Variants in ITGA2B observed in about 807,000 individuals in gnomAD.
The protein encoded by ITGA2B is integrin subunit alpha 2b.
Under a neutral mutation model 142.0 loss-of-function variants are expected in ITGA2B, and 91 were observed. That is an observed-to-expected ratio of 0.64 (90% CI 0.54 to 0.76). The LOEUF (loss-of-function observed/expected upper bound fraction) is 0.76. ITGA2B is among the 30% of genes least tolerant of loss of function. The pLI is 0.00. For missense variants in ITGA2B, 1,231 were observed against 1,350.8 expected, an observed-to-expected ratio of 0.91 and a Z score of 1.39; for synonymous variants, 536 against 567.2, an observed-to-expected ratio of 0.94 and a Z score of 0.78.
intron 29 of ITGA2B, among the ~76,000 whole-genome samples, chr17:44,373,758 C>T (rs978515307): frequency 6.6e-6 from 1 of 152,196 alleles, no homozygotes; most frequent in Non-Finnish European, 1.5e-5. Context: ...TCTATATCCT[C>T]TGAATCTTTT....
At position 44,385,144 on chromosome 17, in the gene ITGA2B, G is replaced by A. The variant is rs758353288; in HGVS notation, c.670+20C>T. 45 of 1,614,006 alleles carry A rather than the reference G, an allele frequency of 2.8e-5. No individual in the cohort carries two copies. The highest frequency in any genetic ancestry group is 3.7e-5 in the Non-Finnish European group (44 of 1,180,034). On this transcript the variant is annotated intron_variant, in intron 6 of 29. Coordinates refer to ENST00000262407, the MANE Select transcript of ITGA2B (RefSeq NM_000419.5). ...CCTTGGGCCGCGAGAAGGGAGGGAG[G>A]TGTACGGATGGGCACGTACCTAAGA... is the stretch of plus-strand genomic sequence containing the variant.
At position 44,372,273 on chromosome 17, in the gene ITGA2B, T is replaced by A; in HGVS notation, c.*91A>T. 1.5e-6 allele frequency: 2 copies of A among 1,364,674 alleles called. No homozygotes were observed. Among genetic ancestry groups the A allele is most frequent in the Non-Finnish European group, 2.1e-6 (2 of 956,524 alleles). 84.5% of individuals were successfully genotyped at this position (1,364,674 alleles called of 1,614,324 possible). A position where few individuals can be genotyped will look rare whatever the true frequency, so the allele number is the denominator to read the frequency against. ...CACCAAGAGGACCCAATGGAACAGC[T>A]CCAACCCAAAGCTTGGAGGCAACTT... On this transcript the variant is annotated 3_prime_UTR_variant, in exon 30 of 30. Coordinates refer to ENST00000262407, the MANE Select transcript of ITGA2B (RefSeq NM_000419.5).
Position 44,372,232 on chromosome 17 carries a change from G to C in ITGA2B, c.*132C>G. The C allele has an allele frequency of 1.2e-6, 1 of 869,130 alleles. No homozygotes were observed. The highest frequency in any genetic ancestry group is 1.9e-6 in the Non-Finnish European group (1 of 527,794). 53.8% of individuals were successfully genotyped at this position (869,130 alleles called of 1,614,324 possible). ...GCAGGAGGGGGGGTAGCCCAGCTCT[G>C]TTGGGAGGGAAACGACACCAAGAGG... is the stretch of plus-strand genomic sequence containing the variant. On this transcript the variant is annotated 3_prime_UTR_variant, in exon 30 of 30. Coordinates refer to ENST00000262407, the MANE Select transcript of ITGA2B (RefSeq NM_000419.5).
At chr17:44,376,263 T>C in intron 23 of ITGA2B, 45 bp downstream of exon 23, 1 of 1,613,764 alleles carries the variant, frequency 6.2e-7, no homozygotes, top group Non-Finnish European at 8.5e-7. Flanking sequence ...CCCTGGAGTT[T>C]AGAGCCCTGA....
In ITGA2B at chr17:44,385,442, G is replaced by A. The variant is rs537383227; in HGVS notation, c.575-107C>T. 2.8e-5 allele frequency: 43 copies of A among 1,526,648 alleles called. 1 individual carries two copies. The highest frequency in any genetic ancestry group is 3.8e-5 in the Non-Finnish European group (43 of 1,139,500). 94.6% of individuals were successfully genotyped at this position (1,526,648 alleles called of 1,614,324 possible). A position where few individuals can be genotyped will look rare whatever the true frequency, so the allele number is the denominator to read the frequency against. On this transcript the variant is annotated intron_variant, in intron 4 of 29. Transcript: ENST00000262407. ...CGGGGCCTTGAGTCGGCGGGGCCCT[G>A]GGGCGAGGCCAGATCCAAAGCAAGG...
rs966519408 is a variant in ITGA2B at position 44,375,478 on chromosome 17, C to T, written c.2727+113G>A. ...TGTTCACTTGAAGTGCTCCCAGGGA[C>T]CAAGCGTGGCCCACAGAGGCCCACA... On this transcript the variant is annotated intron_variant, in intron 26 of 29. Transcript: ENST00000262407. 1.4e-5 allele frequency: 18 copies of T among 1,322,972 alleles called. No homozygotes were observed. The Admixed American group carries it at 2.7e-4, about 20-fold the overall frequency. 82.0% of individuals were successfully genotyped at this position (1,322,972 alleles called of 1,614,324 possible). A position where few individuals can be genotyped will look rare whatever the true frequency, so the allele number is the denominator to read the frequency against.
At chr17:44,378,835 G>A (rs777967648) in intron 18 of ITGA2B, 125 bp from the exon 19 acceptor site, 1 of 801,054 alleles carries the variant, frequency 1.2e-6, no homozygotes, top group Non-Finnish European at 2.1e-6. Flanking sequence ...AAGATCTGAG[G>A]ACGAAAAGGA....
At position 44,380,414 on chromosome 17, in the gene ITGA2B, G is replaced by C; in HGVS notation, c.1516C>G (p.Leu506Val). 6.2e-7 allele frequency: 1 copy of C among 1,614,148 alleles called. No homozygotes were observed. The highest frequency in any genetic ancestry group is 8.5e-7 in the Non-Finnish European group (1 of 1,180,020). The change falls in exon 15 of 30, where the codon CTA becomes GTA. Residue 506 changes from leucine (L) to valine (V), a missense_variant. Leu to Val is a conservative substitution (Grantham distance 32). This residue lies in a region of ITGA2B where 908 missense variants were observed against 1,021.1 expected (regional missense o/e 0.89). Transcript: ENST00000262407. Reference protein sequence around the residue: ...SLNPAVKSCVLPQTKTPVSCF... With the variant: ...SLNPAVKSCVVPQTKTPVSCF... ...CTCACGGGTGTCTTGGTCTGAGGTA[G>C]GACACAGCTCTTCACAGCAGGATTC...
Position 44,381,029 on chromosome 17 carries a change from T to C in ITGA2B, c.1243A>G (p.Ser415Gly). ...AACACCAGCACTTGGCCCCGGCCAC[T>C]GGGACCCCCGTAGGGGGCAGCCACT... is the stretch of plus-strand genomic sequence containing the variant. ...IAVAAPYGGP[S>G]GRGQVLVFLG... The change falls in exon 13 of 30, where the codon AGT (serine) becomes GGT (glycine). Residue 415 changes from serine to glycine, a missense_variant. Coordinates refer to ENST00000262407, the MANE Select transcript of ITGA2B (RefSeq NM_000419.5). 1 of 1,613,390 alleles carries C rather than the reference T, an allele frequency of 6.2e-7. No homozygotes were observed. The highest frequency in any genetic ancestry group is 8.5e-7 in the Non-Finnish European group (1 of 1,179,616).
Position 44,383,900 on chromosome 17 carries a change from C to T in ITGA2B, c.992G>A (p.Gly331Glu), listed in dbSNP as rs2048619364. 4 of 1,613,812 alleles carry T rather than the reference C, an allele frequency of 2.5e-6. No individual in the cohort carries two copies. The highest frequency in any genetic ancestry group is 3.4e-6 in the Non-Finnish European group (4 of 1,179,988). The change falls in exon 11 of 30, where the codon GGG becomes GAG. Residue 331 changes from glycine (G) to glutamate (E), a missense_variant. Transcript: ENST00000262407. Reference protein sequence around the residue: ...GHSVAVTDVNGDGRHDLLVGA... With the variant: ...GHSVAVTDVNEDGRHDLLVGA... ...GGGGCATGTCCCTCCTCACCCATCC[C>T]CGTTGACGTCAGTGACAGCCACTGA...
rs776716953 is a variant in ITGA2B at position 44,383,908 on chromosome 17, G to A, written c.984C>T (p.Asp328=). The A allele has an allele frequency of 9.9e-6, 16 of 1,613,848 alleles. No homozygotes were observed. Among genetic ancestry groups the A allele is most frequent in the African/African-American group, 5.3e-5 (4 of 74,918 alleles). Residue 328 remains aspartate (D), a synonymous_variant, in exon 11 of 30, where the codon GAC becomes GAT. Coordinates refer to ENST00000262407, the MANE Select transcript of ITGA2B (RefSeq NM_000419.5). ...TCCCTCCTCACCCATCCCCGTTGAC[G>A]TCAGTGACAGCCACTGAATGCCCAA... ...SYFGHSVAVT[D]VNGDGRHDLL...
chr17:44,376,481 A>G (rs1005176662), intron 22 of ITGA2B, 93 bp from the exon 23 acceptor site: 1 of 1,123,778 alleles, frequency 8.9e-7, no homozygotes. Context: ...GTTCAGAGAG[A>G]GCTAATTATA....
chr17:44,384,493 C>T (rs1479300263), intron 8 of ITGA2B, 45 bp downstream of exon 8: 13 of 1,613,158 alleles, frequency 8.1e-6, no homozygotes, highest in Middle Eastern at 1.6e-4. Context: ...AGGCGCTCCT[C>T]CCCGGGCTGG....
intron 17 of ITGA2B, 84 bp from the exon 18 acceptor site, chr17:44,379,898 C>T: frequency 6.2e-7 from 1 of 1,611,806 alleles, no homozygotes; most frequent in Non-Finnish European, 8.5e-7. Context: ...GTCCTGACCA[C>T]CCCCGGACTC....
chr17:44,383,408 G>T, intron 12 of ITGA2B, 85 bp downstream of exon 12: 1 of 1,302,604 alleles, frequency 7.7e-7, no homozygotes, highest in Non-Finnish European at 1.1e-6. Flanking sequence ...ACCCATCCTG[G>T]TTCTGGCTGC....
At chr17:44,386,403 G>GT (rs530863365) in intron 1 of ITGA2B, among the ~76,000 whole-genome samples, 31 of 152,326 alleles carry the variant, frequency 2.0e-4, no homozygotes, top group African/African-American at 7.2e-4. Flanking sequence ...AACACCAGGG[G>GT]TTTGAGATCT....
At position 44,380,970 on chromosome 17, in the gene ITGA2B, G is replaced by A; in HGVS notation, c.1302C>T (p.Pro434=). 1 of 1,614,072 alleles carries A rather than the reference G, an allele frequency of 6.2e-7. No individual in the cohort carries two copies. The highest frequency in any genetic ancestry group is 8.5e-7 in the Non-Finnish European group (1 of 1,179,910). Residue 434 remains proline, a synonymous_variant, in exon 13 of 30, where the codon CCC becomes CCT. Transcript: ENST00000262407. The part of the protein sequence containing the change: ...LGQSEGLRSR[P]SQVLDSPFPT... ...GGAAGGGGCTGTCCAGGACCTGGGA[G>A]GGACGTGACCTCAGCCCCTCACTCT...
At chr17:44,388,431 A>G (rs550452292) in intron 1 of ITGA2B, among the ~76,000 whole-genome samples, 19 of 138,470 alleles carry the variant, frequency 1.4e-4, no homozygotes, top group African/African-American at 5.2e-4. Context: ...ATCTCGGCTC[A>G]CCACAACCTC....
At chr17:44,376,714 G>T (rs1333728559) in intron 22 of ITGA2B, among the ~76,000 whole-genome samples, 1 of 151,576 alleles carries the variant, frequency 6.6e-6, no homozygotes, top group Admixed American at 6.6e-5. Context: ...TTCGGTTCAA[G>T]CTATTCTCCT....
Sources: allele counts gnomAD v4.1 joint callset (sites outside exome capture counted in the v4.1 genomes callset), GRCh38; gene constraint gnomAD v4.1.1; regional missense constraint gnomAD v4.1.1; transcripts MANE v1.5; gene names NCBI Gene and HGNC (gene_info 2026-07-23, HGNC 2026-07-21).